The following SMOC2 variants were observed in gnomAD, a reference collection of about 807,000 sequenced individuals.
SMOC2 encodes SPARC-related modular calcium-binding protein 2.
A neutral mutation model predicts 61.4 loss-of-function variants in SMOC2; 39 were observed. The observed-to-expected ratio is 0.64, with a 90% CI of 0.49 to 0.83. SMOC2 has a LOEUF of 0.83. Among genes scored for constraint, SMOC2 ranks in the 40% least tolerant of loss-of-function variants. The pLI is 0.00. For synonymous variants in SMOC2, 247 were observed against 239.9 expected (o/e 1.03, Z -0.27); for missense variants, 556 against 592.9 (o/e 0.94, Z 0.65).
chr6:168,515,584 G>A (rs1212226162), intron 2 of SMOC2, among the ~76,000 whole-genome samples: 2 of 8,650 alleles, frequency 2.3e-4, no homozygotes, highest in East Asian at 0.033. Context: ...ATCCTGGCTC[G>A]TGGCGGAAGA....
At chr6:168,620,659 G>A (rs982714140) in intron 9 of SMOC2, among the ~76,000 whole-genome samples, 1 of 152,190 alleles carries the variant, frequency 6.6e-6, no homozygotes, top group African/African-American at 2.4e-5. Flanking sequence ...TCAGGGAACC[G>A]CAGACAGCAT....
chr6:168,643,288 A>G (rs1230285166), intron 9 of SMOC2, among the ~76,000 whole-genome samples: 1 of 152,124 alleles, frequency 6.6e-6, no homozygotes, highest in East Asian at 1.9e-4. Context: ...GATTCTCCCA[A>G]CAGCTTCCAG....
chr6:168,565,824 A>C (rs538178371), intron 7 of SMOC2, among the ~76,000 whole-genome samples: 28 of 152,270 alleles, frequency 1.8e-4, no homozygotes, highest in Admixed American at 2.6e-4. Flanking sequence ...TTACAATAGG[A>C]ATGCTTGTGA....
At chr6:168,617,301 G>C (rs1373208029) in intron 9 of SMOC2, among the ~76,000 whole-genome samples, 1 of 152,136 alleles carries the variant, frequency 6.6e-6, no homozygotes, top group African/African-American at 2.4e-5. Context: ...TGTACAGGAG[G>C]GTGCTGGGCG....
At chr6:168,467,367 A>C (rs1183770033) in intron 1 of SMOC2, among the ~76,000 whole-genome samples, 1 of 150,834 alleles carries the variant, frequency 6.6e-6, no homozygotes, top group East Asian at 2.0e-4. Context: ...AGTGCAGTGG[A>C]GCAATCTCAT....
At chr6:168,471,655 A>T (rs1026169039) in intron 1 of SMOC2, among the ~76,000 whole-genome samples, 20 of 152,196 alleles carry the variant, frequency 1.3e-4, no homozygotes, top group African/African-American at 4.8e-4. Context: ...ATATCATTTT[A>T]TATTCCCACC....
intron 7 of SMOC2, among the ~76,000 whole-genome samples, chr6:168,596,307 G>A (rs1785334176): frequency 7.2e-6 from 1 of 139,198 alleles, no homozygotes; most frequent in African/African-American, 2.6e-5. Context: ...TGAGTTTCCT[G>A]GGTGCTGCTG....
chr6:168,493,392 T>C (rs1782515275), intron 1 of SMOC2, among the ~76,000 whole-genome samples: 1 of 152,236 alleles, frequency 6.6e-6, no homozygotes, highest in Non-Finnish European at 1.5e-5. Flanking sequence ...TAAGTATGGA[T>C]TTGTTAAAAA....
At chr6:168,450,621 G>T (rs1436950239) in intron 1 of SMOC2, among the ~76,000 whole-genome samples, 1 of 152,176 alleles carries the variant, frequency 6.6e-6, no homozygotes, top group African/African-American at 2.4e-5. Context: ...CTGGATGCAT[G>T]TAGTAGATGC....
chr6:168,613,820 G>T (rs1366482949), intron 9 of SMOC2, among the ~76,000 whole-genome samples: 6 of 131,818 alleles, frequency 4.6e-5, no homozygotes, highest in Non-Finnish European at 8.0e-5. Context: ...CCTAGAGCCA[G>T]CACAGGACCT....
chr6:168,581,850 G>T (rs1784927719), intron 7 of SMOC2, among the ~76,000 whole-genome samples: 1 of 151,982 alleles, frequency 6.6e-6, no homozygotes, highest in Non-Finnish European at 1.5e-5. Context: ...TCCCACACAT[G>T]GGGCCTGCAC....
At chr6:168,447,830 CAAAA>C (rs58077336) in intron 1 of SMOC2, among the ~76,000 whole-genome samples, 1 of 93,496 alleles carries the variant, frequency 1.1e-5, no homozygotes, top group Non-Finnish European at 2.3e-5. Context: ...AGTTTGTTGG[CAAAA>C]AAAAAAAAAA....
intron 1 of SMOC2, among the ~76,000 whole-genome samples, chr6:168,465,076 C>T (rs980059503): frequency 6.6e-6 from 1 of 152,226 alleles, no homozygotes; most frequent in Non-Finnish European, 1.5e-5. Flanking sequence ...CAGAGTTGGC[C>T]CCTGCCCCAT....
intron 7 of SMOC2, among the ~76,000 whole-genome samples, chr6:168,559,679 A>G (rs1304203905): frequency 2.0e-5 from 3 of 152,066 alleles, no homozygotes; most frequent in Non-Finnish European, 4.4e-5. Flanking sequence ...GCCAAGGTGC[A>G]CCCACCAACG....
chr6:168,566,464 G>A (rs1017604162), intron 7 of SMOC2, among the ~76,000 whole-genome samples: 1 of 148,182 alleles, frequency 6.7e-6, no homozygotes, highest in African/African-American at 2.5e-5. Context: ...CTTTATTATG[G>A]ATATTGTAGC....
rs573777610 is a variant in SMOC2 at position 168,448,485 on chromosome 6, TGAG to T, written c.84+7040_84+7042del. On this transcript the variant is annotated intron_variant, in intron 1 of 12. Transcript: ENST00000356284. ...ACGGAGATGGCAAGGAAGATGGGGA[TGAG>T]GAGGAGGACGGGGATGGTGAGGATG... 5.0e-3 allele frequency among the ~76,000 whole-genome samples: 520 copies of T among 102,994 alleles called. 2 individuals carry two copies. Among genetic ancestry groups the T allele is most frequent in the African/African-American group, 0.018 (483 of 26,116 alleles). 67.6% of individuals were successfully genotyped at this position (102,994 alleles called of 152,430 possible).
rs374102121 is a variant in SMOC2 at position 168,599,110 on chromosome 6, A to T, written c.824+106A>T. 1.1e-3 allele frequency: 1,051 copies of T among 994,106 alleles called. 9 individuals carry two copies. The African/African-American group carries it at 0.016, about 15-fold the overall frequency. The allele number at this position is 994,106 out of a possible 1,614,324, so 61.6% of individuals were successfully genotyped here. On this transcript the variant is annotated intron_variant, in intron 8 of 12. Transcript: ENST00000356284. Reference sequence around the variant, plus strand: ...CCCCAACACACACCGACACACAGTCACACACACACTCACACTCACACACAC... The same window carrying T: ...CCCCAACACACACCGACACACAGTCTCACACACACTCACACTCACACACAC...
At chr6:168,516,859 C>G (rs1252156364) in intron 2 of SMOC2, among the ~76,000 whole-genome samples, 7 of 152,152 alleles carry the variant, frequency 4.6e-5, no homozygotes, top group Admixed American at 1.3e-4. Flanking sequence ...GAGGCTGAGG[C>G]AGGGGAATCC....
chr6:168,646,230 G>A (rs775635984), intron 9 of SMOC2, among the ~76,000 whole-genome samples: 61 of 152,082 alleles, frequency 4.0e-4, no homozygotes, highest in Non-Finnish European at 4.7e-4. Flanking sequence ...TGCTTCCCTC[G>A]TGTTCCCGAT....
Sources: allele counts gnomAD v4.1 joint callset (sites outside exome capture counted in the v4.1 genomes callset), GRCh38; gene constraint gnomAD v4.1.1; transcripts MANE v1.5; gene names NCBI Gene and HGNC (gene_info 2026-07-23, HGNC 2026-07-21).